The following ZNF473 variants were observed in gnomAD, a reference collection of about 807,000 sequenced individuals.
ZNF473 encodes the protein zinc finger protein 473.
Under a neutral mutation model 11.1 loss-of-function variants are expected in ZNF473, and 4 were observed. The ratio of observed to expected loss-of-function variants is 0.36; its 90% CI spans 0.18 to 0.82. The LOEUF is 0.82. Ranked by LOEUF, ZNF473 falls within the 40% of genes least tolerant of loss-of-function variation. The pLI is 0.49. For synonymous variants in ZNF473, 404 were observed against 390.4 expected, an observed-to-expected ratio of 1.03 and a Z score of -0.41; for missense variants, 854 against 1,084.0, an observed-to-expected ratio of 0.79 and a Z score of 2.98.
chr19:50,044,751 C>T lies in ZNF473; in HGVS notation c.308C>T (p.Ser103Phe), dbSNP rs751653057. 11 of 1,614,140 alleles carry T rather than the reference C, an allele frequency of 6.8e-6. No individual in the cohort carries two copies. The highest frequency in any genetic ancestry group is 7.6e-6 in the Non-Finnish European group (9 of 1,180,022). The part of the protein sequence containing the change: ...GFSQEIIEML[S>F]KDGFWNSNFG... ...TCCCAGGAGATTATAGAGATGTTATCCAAGGATGGCTTCTGGAACTCCAAT... is the reference window on the plus strand; with the variant it reads ...TCCCAGGAGATTATAGAGATGTTATTCAAGGATGGCTTCTGGAACTCCAAT... The change falls in exon 5 of 5, where the codon TCC (serine) becomes TTC (phenylalanine). Residue 103 changes from serine to phenylalanine, a missense_variant. Transcript: ENST00000270617.
At chr19:50,026,742 G>C (rs942458639) in intron 1 of ZNF473, among the ~76,000 whole-genome samples, 7 of 152,044 alleles carry the variant, frequency 4.6e-5, no homozygotes, top group African/African-American at 1.7e-4. Flanking sequence ...TTGGGAGGCC[G>C]AGGTGGGAGG....
In ZNF473 at chr19:50,047,184, G is replaced by T; in HGVS notation, c.*125G>T. On this transcript the variant is annotated 3_prime_UTR_variant, in exon 5 of 5. Transcript: ENST00000270617. ...TAAAGATTGATTAGAAAGTTTGTGC[G>T]CATGTTTTTCATTATAACAATGAAA... 1 of 854,414 alleles carries T rather than the reference G, an allele frequency of 1.2e-6. No homozygotes were observed. Among genetic ancestry groups the T allele is most frequent in the Non-Finnish European group, 1.8e-6 (1 of 569,836 alleles). The allele number at this position is 854,414 out of a possible 1,614,324, so 52.9% of individuals were successfully genotyped here.
At chr19:50,033,266 A>C (rs1229091085) in intron 2 of ZNF473, among the ~76,000 whole-genome samples, 2 of 152,240 alleles carry the variant, frequency 1.3e-5, no homozygotes, top group Non-Finnish European at 1.5e-5. Context: ...TGAGGGACAC[A>C]ATCTTGGCTC....
In ZNF473 at chr19:50,045,748, G is replaced by C. The variant is rs146059590; in HGVS notation, c.1305G>C (p.Glu435Asp). The change falls in exon 5 of 5, where the codon GAG becomes GAC. Residue 435 changes from glutamate to aspartate, a missense_variant. Physicochemically the swap from Glu to Asp is conservative, Grantham distance 45 (BLOSUM62 2). This residue lies in a region of ZNF473 where 668 missense variants were observed against 790.2 expected (regional missense o/e 0.85). Coordinates refer to ENST00000270617, the MANE Select transcript of ZNF473 (RefSeq NM_015428.4). ...HSGEKPYKCS[E>D]CGKAFHRHTH... is the part of the protein sequence containing the mutation. The stretch of plus-strand genomic sequence containing the variant: ...GAGAGAAGCCTTACAAATGCAGTGA[G>C]TGTGGGAAGGCCTTCCACCGGCACA... 1 of 1,614,106 alleles carries C rather than the reference G, an allele frequency of 6.2e-7. No individual in the cohort carries two copies. Among genetic ancestry groups the C allele is most frequent in the African/African-American group, 1.3e-5 (1 of 74,986 alleles).
In ZNF473 at chr19:50,045,324, G is replaced by A; in HGVS notation, c.881G>A (p.Ser294Asn). 6.2e-7 allele frequency: 1 copy of A among 1,614,172 alleles called. No homozygotes were observed. The highest frequency in any genetic ancestry group is 8.5e-7 in the Non-Finnish European group (1 of 1,180,046). Residue 294 changes from serine (S) to asparagine (N), a missense_variant, in exon 5 of 5, where the codon AGT becomes AAT. Around this residue, in one of 2 missense-constraint regions of ZNF473, gnomAD observed 668 missense variants for 790.2 expected, o/e 0.85. Transcript: ENST00000270617. ...KTHTGEKPCK[S>N]QDSDHPPSHD... ...CACACTGGAGAAAAACCATGTAAGA[G>A]TCAAGATAGTGACCACCCACCCAGT... is the stretch of plus-strand genomic sequence containing the variant.
At position 50,030,948 on chromosome 19, in the gene ZNF473, C is replaced by A; in HGVS notation, c.-135C>A. ...CCTGGACATTTTGGGGGCTCGTCAG[C>A]ATGGACAGCGAGTCAGCCATGGGTG... is the stretch of plus-strand genomic sequence containing the variant. On this transcript the variant is annotated 5_prime_UTR_variant, in exon 2 of 5. Transcript: ENST00000270617. The A allele has an allele frequency of 1.5e-6, 2 of 1,324,988 alleles. No homozygotes were observed. Among genetic ancestry groups the A allele is most frequent in the Non-Finnish European group, 2.1e-6 (2 of 944,150 alleles). The allele number at this position is 1,324,988 out of a possible 1,614,324, so 82.1% of individuals were successfully genotyped here. A position where few individuals can be genotyped will look rare whatever the true frequency, so the allele number is the denominator to read the frequency against.
chr19:50,046,353 A>C lies in ZNF473; in HGVS notation c.1910A>C (p.Gln637Pro), dbSNP rs1441106184. 3 of 1,614,216 alleles carry C rather than the reference A, an allele frequency of 1.9e-6. No homozygotes were observed. Among genetic ancestry groups the C allele is most frequent in the African/African-American group, 2.7e-5 (2 of 75,056 alleles). The change falls in exon 5 of 5, where the codon CAG (glutamine) becomes CCG (proline). Residue 637 changes from glutamine to proline, a missense_variant. Coordinates refer to ENST00000270617, the MANE Select transcript of ZNF473 (RefSeq NM_015428.4). This position sits in a 1 kb window ranked among gnomAD's most constrained non-coding sequence, Gnocchi z 5.9. Reference sequence around the variant, plus strand: ...AGCAGTGCCTCCCTTATCAAACTTCAGTCCTTCCACACAAAGGAGCACCCT... The same window carrying C: ...AGCAGTGCCTCCCTTATCAAACTTCCGTCCTTCCACACAAAGGAGCACCCT... Reference protein sequence around the residue: ...AISSASLIKLQSFHTKEHPFK... With the variant: ...AISSASLIKLPSFHTKEHPFK...
At chr19:50,041,885 G>A in intron 4 of ZNF473, 66 bp downstream of exon 4, 1 of 1,347,676 alleles carries the variant, frequency 7.4e-7, no homozygotes, top group South Asian at 1.3e-5. Context: ...TGAGGCTGCA[G>A]CCAGCTTTCC....
intron 1 of ZNF473, among the ~76,000 whole-genome samples, chr19:50,026,555 A>C (rs1208348643): frequency 1.7e-5 from 2 of 121,164 alleles, no homozygotes; most frequent in Non-Finnish European, 3.9e-5. Flanking sequence ...CATCTTAAAA[A>C]AAAAAAAAAA....
intron 1 of ZNF473, among the ~76,000 whole-genome samples, chr19:50,028,937 A>T (rs1455801243): frequency 6.6e-6 from 1 of 152,336 alleles, no homozygotes; most frequent in South Asian, 2.1e-4. Flanking sequence ...CCATATTTGT[A>T]GTCTCAAAAA....
chr19:50,037,819 G>T (rs1009558677), intron 2 of ZNF473, among the ~76,000 whole-genome samples: 2 of 149,268 alleles, frequency 1.3e-5, no homozygotes, highest in Middle Eastern at 3.4e-3. Context: ...TCTCTCTCTC[G>T]CTCGCTCTCT....
intron 1 of ZNF473, among the ~76,000 whole-genome samples, chr19:50,030,128 G>A (rs780715224): frequency 6.6e-6 from 1 of 152,150 alleles, no homozygotes; most frequent in Non-Finnish European, 1.5e-5. Context: ...TGAGATTACA[G>A]GCGTGAGCTA....
At position 50,044,904 on chromosome 19, in the gene ZNF473, G is replaced by T; in HGVS notation, c.461G>T (p.Arg154Ile). The T allele has an allele frequency of 6.2e-7, 1 of 1,614,208 alleles. No homozygotes were observed. Among genetic ancestry groups the T allele is most frequent in the Non-Finnish European group, 8.5e-7 (1 of 1,180,048 alleles). The part of the protein sequence containing the change: ...PTECKSHELK[R>I]GLSPVSTVST... ...GAATGCAAGAGTCATGAATTAAAGA[G>T]AGGACTCAGTCCTGTGTCCACCGTT... The change falls in exon 5 of 5, where the codon AGA (arginine) becomes ATA (isoleucine). Residue 154 changes from arginine to isoleucine, a missense_variant. This residue lies in a region of ZNF473 where 668 missense variants were observed against 790.2 expected (regional missense o/e 0.85). Transcript: ENST00000270617.
intron 1 of ZNF473, among the ~76,000 whole-genome samples, chr19:50,029,578 G>T (rs1216943225): frequency 6.6e-6 from 1 of 152,200 alleles, no homozygotes; most frequent in Non-Finnish European, 1.5e-5. Context: ...TAAGTGATCC[G>T]TGCTGCTTTG....
In ZNF473 at chr19:50,039,431, G is replaced by A; in HGVS notation, c.136+144G>A. Reference sequence around the variant, plus strand: ...GCCCAGCAGTTCTCAGCTGGCCGAGGAGACATTGGCAATGTGTGGAGACAT... The same window carrying A: ...GCCCAGCAGTTCTCAGCTGGCCGAGAAGACATTGGCAATGTGTGGAGACAT... On this transcript the variant is annotated intron_variant, in intron 3 of 4. Transcript: ENST00000270617. The surrounding 1 kb of genome is among the most constrained non-coding windows in gnomAD (Gnocchi z 4.8). 8.8e-7 allele frequency: 1 copy of A among 1,133,120 alleles called. No individual in the cohort carries two copies. The highest frequency in any genetic ancestry group is 2.6e-5 in the East Asian group (1 of 38,602). The allele number at this position is 1,133,120 out of a possible 1,614,324, so 70.2% of individuals were successfully genotyped here. A position where few individuals can be genotyped will look rare whatever the true frequency, so the allele number is the denominator to read the frequency against.
At chr19:50,028,937 A>G (rs1455801243) in intron 1 of ZNF473, among the ~76,000 whole-genome samples, 1 of 152,218 alleles carries the variant, frequency 6.6e-6, no homozygotes, top group African/African-American at 2.4e-5. Context: ...CCATATTTGT[A>G]GTCTCAAAAA....
chr19:50,045,097 C>T lies in ZNF473; in HGVS notation c.654C>T (p.Phe218=), dbSNP rs1368830387. ...AATGTAGTGAATGTGGGAAAAGCTT[C>T]AGTGGGAGTTACCGTCTTACCCAGC... ...PYQCSECGKS[F]SGSYRLTQHW... Residue 218 remains phenylalanine, a synonymous_variant, in exon 5 of 5, where the codon TTC becomes TTT. Transcript: ENST00000270617. 6.2e-7 allele frequency: 1 copy of T among 1,614,198 alleles called. No homozygotes were observed. The highest frequency in any genetic ancestry group is 1.1e-5 in the South Asian group (1 of 91,084).
chr19:50,042,696 G>A (rs1978842659), intron 4 of ZNF473: 1 of 152,174 alleles, frequency 6.6e-6, no homozygotes, highest in Non-Finnish European at 1.5e-5. Flanking sequence ...CCACATAAGC[G>A]TCTTTCCCCT....
Position 50,045,029 on chromosome 19 carries a change from C to G in ZNF473, c.586C>G (p.His196Asp). 4 of 1,614,156 alleles carry G rather than the reference C, an allele frequency of 2.5e-6. No individual in the cohort carries two copies. The highest frequency in any genetic ancestry group is 3.4e-6 in the Non-Finnish European group (4 of 1,180,028). Reference sequence around the variant, plus strand: ...GGGTGAGTTTTTCTCCTACTCCGACCACAGCCAGCAGGATTCTGTTCAGGA... The same window carrying G: ...GGGTGAGTTTTTCTCCTACTCCGACGACAGCCAGCAGGATTCTGTTCAGGA... ...YRGEFFSYSDHSQQDSVQEGE... is the reference protein window; with the variant it reads ...YRGEFFSYSDDSQQDSVQEGE... The change falls in exon 5 of 5, where the codon CAC (histidine) becomes GAC (aspartate). Residue 196 changes from histidine to aspartate, a missense_variant. Around this residue, in one of 2 missense-constraint regions of ZNF473, gnomAD observed 668 missense variants for 790.2 expected, o/e 0.85. Transcript: ENST00000270617.
Sources: gnomAD v4.1 joint callset for allele counts (sites outside exome capture counted in the v4.1 genomes callset) on GRCh38, gnomAD v4.1.1 for gene constraint, gnomAD v4.1.1 regional missense constraint, Gnocchi (gnomAD v3.1) non-coding constraint, MANE v1.5 for transcripts, NCBI Gene and HGNC (gene_info 2026-07-23, HGNC 2026-07-21) for gene names.